Variants in ZNF395 observed in about 807,000 individuals in gnomAD.
ZNF395 encodes zinc finger protein 395.
A neutral mutation model predicts 57.7 loss-of-function variants in ZNF395; 20 were observed. The ratio of observed to expected loss-of-function variants is 0.35; its 90% CI spans 0.24 to 0.50. ZNF395 has a LOEUF of 0.50. Ranked by LOEUF, ZNF395 falls within the 20% of genes least tolerant of loss-of-function variation. The pLI is 0.97. For missense variants in ZNF395, 606 were observed against 671.2 expected, an observed-to-expected ratio of 0.90 and a Z score of 1.07; for synonymous variants, 295 against 275.9, an observed-to-expected ratio of 1.07 and a Z score of -0.69.
rs1241667559 is a variant in ZNF395, at chr8:28,352,747, C to T, written c.820-74G>A. 7.6e-7 allele frequency: 1 copy of T among 1,322,466 alleles called. No homozygotes were observed. Among genetic ancestry groups the T allele is most frequent in the African/African-American group, 1.4e-5 (1 of 69,336 alleles). The allele number at this position is 1,322,466 out of a possible 1,614,324, so 81.9% of individuals were successfully genotyped here. On this transcript the variant is annotated intron_variant, in intron 5 of 9. Coordinates refer to ENST00000344423, the MANE Select transcript of ZNF395 (RefSeq NM_018660.3). The surrounding 1 kb of genome is among the most constrained non-coding windows in gnomAD (Gnocchi z 4.0). ...CTCGCTCAACCTTACCCAGTGGGGA[C>T]TCAAACTGGCTGCTGTCCCCGGCCT...
Position 28,348,365 on chromosome 8 carries a change from G to A in ZNF395, c.*354C>T, listed in dbSNP as rs1801634238. 1 of 213,638 alleles carries A rather than the reference G, an allele frequency of 4.7e-6. No homozygotes were observed. The highest frequency in any genetic ancestry group is 2.5e-5 in the African/African-American group (1 of 40,704). The allele number at this position is 213,638 out of a possible 1,614,324, so 13.2% of individuals were successfully genotyped here. On this transcript the variant is annotated 3_prime_UTR_variant, in exon 10 of 10. Transcript: ENST00000344423. ...AAAGAATTCACCGACTCAGCAGGAA[G>A]CAGAACGAGCTGTTCCTTCTTTTGA...
At chr8:28,349,949 G>A in intron 8 of ZNF395, 115 bp downstream of exon 8, 1 of 897,996 alleles carries the variant, frequency 1.1e-6, no homozygotes, top group East Asian at 3.0e-5. Flanking sequence ...AAAGCAAGAT[G>A]GCCACACCGA....
chr8:28,373,067 T>A (rs971455602), intron 1 of ZNF395, among the ~76,000 whole-genome samples: 1 of 152,224 alleles, frequency 6.6e-6, no homozygotes, highest in Admixed American at 6.5e-5. Context: ...AAGTGCACAC[T>A]GCATTTGGAC....
chr8:28,352,947 A>G lies in ZNF395; in HGVS notation c.819+226T>C, dbSNP rs1801735149. On this transcript the variant is annotated intron_variant, in intron 5 of 9. Transcript: ENST00000344423. The surrounding 1 kb of genome is among the most constrained non-coding windows in gnomAD (Gnocchi z 4.0). The stretch of plus-strand genomic sequence containing the variant: ...GCAGACCTCTGCAGAAACACAGGAA[A>G]GAAGGCAGGGATTGGGGTGGAGGCT... 6.6e-6 allele frequency among the ~76,000 whole-genome samples: 1 copy of G among 152,242 alleles called. No homozygotes were observed. Among genetic ancestry groups the G allele is most frequent in the Non-Finnish European group, 1.5e-5 (1 of 68,040 alleles).
At position 28,350,170 on chromosome 8, in the gene ZNF395, G is replaced by A. The variant is rs769872854; in HGVS notation, c.1234-14C>T. 1.3e-6 allele frequency: 2 copies of A among 1,593,448 alleles called. No individual in the cohort carries two copies. Among genetic ancestry groups the A allele is most frequent in the South Asian group, 1.1e-5 (1 of 87,588 alleles). ...GGATGGCAGAGCCTGCGGAAGACGA[G>A]GGTGTCAGCCCGGATTCTAGCTCAG... On this transcript the variant is annotated splice_polypyrimidine_tract_variant and intron_variant, in intron 7 of 9. Coordinates refer to ENST00000344423, the MANE Select transcript of ZNF395 (RefSeq NM_018660.3).
At chr8:28,367,768 G>A (rs1801928302) in intron 1 of ZNF395, among the ~76,000 whole-genome samples, 1 of 152,180 alleles carries the variant, frequency 6.6e-6, no homozygotes. Flanking sequence ...TGGGACTGCA[G>A]CCTCCTTAGA....
intron 2 of ZNF395, among the ~76,000 whole-genome samples, chr8:28,360,131 T>C (rs1801830887): frequency 6.6e-6 from 1 of 152,222 alleles, no homozygotes; most frequent in Non-Finnish European, 1.5e-5. Flanking sequence ...TTGACCCGGA[T>C]GCACTGCCTG....
intron 1 of ZNF395, among the ~76,000 whole-genome samples, chr8:28,379,549 T>C (rs1362817932): frequency 6.6e-6 from 1 of 152,166 alleles, no homozygotes; most frequent in Non-Finnish European, 1.5e-5. Context: ...CCTCATCCAC[T>C]GAAGGCTCAC....
chr8:28,378,377 C>A (rs1345969240), intron 1 of ZNF395, among the ~76,000 whole-genome samples: 2 of 152,120 alleles, frequency 1.3e-5, no homozygotes, highest in African/African-American at 4.8e-5. Flanking sequence ...GAGCTGGGAC[C>A]ATGGGCAGGT....
intron 1 of ZNF395, among the ~76,000 whole-genome samples, chr8:28,363,217 T>C (rs1801871735): frequency 6.6e-6 from 1 of 151,854 alleles, no homozygotes; most frequent in African/African-American, 2.4e-5. Context: ...CTGCAACCTC[T>C]GCCTCCTGGG....
At chr8:28,374,407 T>C (rs1323281064) in intron 1 of ZNF395, among the ~76,000 whole-genome samples, 2 of 152,212 alleles carry the variant, frequency 1.3e-5, no homozygotes, top group Admixed American at 6.5e-5. Flanking sequence ...TGCAGAAGTT[T>C]TGCATTTTTC....
At chr8:28,373,815 A>G (rs1802006032) in intron 1 of ZNF395, among the ~76,000 whole-genome samples, 2 of 152,172 alleles carry the variant, frequency 1.3e-5, no homozygotes, top group South Asian at 4.1e-4. Context: ...AGCACACTCT[A>G]AATCCTGCCC....
In ZNF395 at chr8:28,356,462, G is replaced by C. The variant is rs1425631186; in HGVS notation, c.583+208C>G. The stretch of plus-strand genomic sequence containing the variant: ...GCTCAACCATCTTCACAATGTACCA[G>C]GAAACTCCTCCCCAGGTGAGGAAAC... On this transcript the variant is annotated intron_variant, in intron 4 of 9. Transcript: ENST00000344423. The surrounding 1 kb of genome is among the most constrained non-coding windows in gnomAD (Gnocchi z 4.0). 1.3e-5 allele frequency among the ~76,000 whole-genome samples: 2 copies of C among 152,186 alleles called. No individual in the cohort carries two copies. The highest frequency in any genetic ancestry group is 2.9e-5 in the Non-Finnish European group (2 of 68,038).
Position 28,348,754 on chromosome 8 carries a change from G to T in ZNF395, c.1507C>A (p.Arg503=), listed in dbSNP as rs1801639257. ...AAGCGCTGGCAGGCCTTCTTCCACC[G>T]GCAGGCCGTGCACCACTGGTCCCGG... ...EHRDQWCTAC[R]WKKACQRFLD The change falls in exon 10 of 10, where the codon CGG becomes AGG. Residue 503 remains arginine, a synonymous_variant. Coordinates refer to ENST00000344423, the MANE Select transcript of ZNF395 (RefSeq NM_018660.3). The T allele has an allele frequency of 3.1e-6, 5 of 1,614,024 alleles. No individual in the cohort carries two copies. The highest frequency in any genetic ancestry group is 4.2e-6 in the Non-Finnish European group (5 of 1,180,012).
intron 1 of ZNF395, among the ~76,000 whole-genome samples, chr8:28,364,653 CAAAAAAAAAAAAA>C (rs1221074238): frequency 2.3e-5 from 1 of 44,124 alleles, no homozygotes; most frequent in Non-Finnish European, 5.0e-5. Context: ...GACTCCGTCT[CAAAAAAAAAAAAA>C]AAAAAAAAGA....
At chr8:28,351,412 C>G (rs1249873524) in intron 7 of ZNF395, 83 bp downstream of exon 7, 5 of 1,454,502 alleles carry the variant, frequency 3.4e-6, no homozygotes, top group Admixed American at 2.3e-5. Flanking sequence ...AGCCTTCCAT[C>G]AGGGTGGTCG....
chr8:28,354,931 G>A lies in ZNF395; in HGVS notation c.584-1523C>T, dbSNP rs544992807. Among the ~76,000 whole-genome samples, 16 of 151,626 alleles carry A rather than the reference G, an allele frequency of 1.1e-4. No homozygotes were observed. In the South Asian group the frequency reaches 1.9e-3, roughly 18 times the overall value. ...AGCAGCAGGCACACCCTACAAATGC[G>A]GTAGCCCTTCCCTATAGGAACCACT... On this transcript the variant is annotated intron_variant, in intron 4 of 9. Transcript: ENST00000344423.
chr8:28,351,488 C>A lies in ZNF395; in HGVS notation c.1233+7G>T. 1 of 1,590,920 alleles carries A rather than the reference C, an allele frequency of 6.3e-7. No homozygotes were observed. The highest frequency in any genetic ancestry group is 8.6e-7 in the Non-Finnish European group (1 of 1,163,768). On this transcript the variant is annotated splice_region_variant and intron_variant, in intron 7 of 9. Coordinates refer to ENST00000344423, the MANE Select transcript of ZNF395 (RefSeq NM_018660.3). ...AGCCTGAGCCTCCAGCGAGCCCCGC[C>A]CCATACCTGGTATGCATGATCTGCC...
rs1801780433 is a variant in ZNF395, at chr8:28,356,466, A to T, written c.583+204T>A. On this transcript the variant is annotated intron_variant, in intron 4 of 9. Coordinates refer to ENST00000344423, the MANE Select transcript of ZNF395 (RefSeq NM_018660.3). This position sits in a 1 kb window ranked among gnomAD's most constrained non-coding sequence, Gnocchi z 4.0. ...AACCATCTTCACAATGTACCAGGAA[A>T]CTCCTCCCCAGGTGAGGAAACTGAG... Among the ~76,000 whole-genome samples, 1 of 152,004 alleles carries T rather than the reference A, an allele frequency of 6.6e-6. No homozygotes were observed. Among genetic ancestry groups the T allele is most frequent in the Admixed American group, 6.5e-5 (1 of 15,274 alleles).
Sources: gnomAD v4.1 joint callset for allele counts (sites outside exome capture counted in the v4.1 genomes callset) on GRCh38, gnomAD v4.1.1 for gene constraint, Gnocchi (gnomAD v3.1) non-coding constraint, MANE v1.5 for transcripts, NCBI Gene and HGNC (gene_info 2026-07-23, HGNC 2026-07-21) for gene names.